Variants in DNER observed in about 807,000 individuals in gnomAD.
DNER encodes delta and Notch-like epidermal growth factor-related receptor.
Under a neutral mutation model 78.2 loss-of-function variants are expected in DNER, and 33 were observed. That is an observed-to-expected ratio of 0.42 (90% confidence interval 0.32 to 0.56). The LOEUF is 0.56. Among genes scored for constraint, DNER ranks in the 20% least tolerant of loss-of-function variants. The pLI is 0.11. For synonymous variants in DNER, 417 were observed against 384.8 expected, an observed-to-expected ratio of 1.08 and a Z score of -0.98; for missense variants, 918 against 975.3, an observed-to-expected ratio of 0.94 and a Z score of 0.78.
chr2:229,619,491 G>A (rs1355277271), intron 1 of DNER, among the ~76,000 whole-genome samples: 1 of 152,156 alleles, frequency 6.6e-6, no homozygotes, highest in Non-Finnish European at 1.5e-5. Context: ...GAGTCAAGAA[G>A]TTGGCCACTG....
chr2:229,458,224 T>C (rs983492944), intron 7 of DNER, among the ~76,000 whole-genome samples: 1 of 150,398 alleles, frequency 6.6e-6, no homozygotes, highest in Non-Finnish European at 1.5e-5. Flanking sequence ...ACTAGTATTC[T>C]CTGTTAAAAT....
At chr2:229,461,635 T>C (rs1438386323) in intron 7 of DNER, among the ~76,000 whole-genome samples, 2 of 152,046 alleles carry the variant, frequency 1.3e-5, no homozygotes, top group Non-Finnish European at 2.9e-5. Context: ...ATGAAATGAC[T>C]AAAGGATTAA....
At chr2:229,673,278 G>A (rs777612028) in intron 1 of DNER, among the ~76,000 whole-genome samples, 38 of 152,186 alleles carry the variant, frequency 2.5e-4, no homozygotes, top group Non-Finnish European at 3.5e-4. Context: ...TTGGAAGAGC[G>A]TGGAAACTGC....
chr2:229,690,235 A>G (rs922754052), intron 1 of DNER, among the ~76,000 whole-genome samples: 3 of 152,194 alleles, frequency 2.0e-5, no homozygotes, highest in Non-Finnish European at 2.9e-5. Flanking sequence ...GCTCACCTAG[A>G]GGTCTAATAT....
At chr2:229,369,397 A>AAAAAGTTTTAACTTTCTAAAAAGTTAAAC (rs1334134258) in intron 11 of DNER, among the ~76,000 whole-genome samples, 4 of 151,634 alleles carry the variant, frequency 2.6e-5, no homozygotes, top group Non-Finnish European at 4.4e-5. Flanking sequence ...AAAAGTTAAA[A>AAAAAGTTTTAACTTTCTAAAAAGTTAAAC]AAAAGTTTTA....
At chr2:229,418,978 G>A (rs1693708109) in intron 8 of DNER, among the ~76,000 whole-genome samples, 1 of 151,996 alleles carries the variant, frequency 6.6e-6, no homozygotes, top group Non-Finnish European at 1.5e-5. Flanking sequence ...AAGTATATCT[G>A]TATTTCCTTT....
intron 4 of DNER, among the ~76,000 whole-genome samples, chr2:229,550,092 A>C (rs1405365629): frequency 1.3e-5 from 2 of 151,704 alleles, no homozygotes; most frequent in African/African-American, 4.8e-5. Context: ...TCCCAGGTTC[A>C]AGCAATCCTT....
intron 1 of DNER, among the ~76,000 whole-genome samples, chr2:229,703,407 G>T (rs1289500918): frequency 6.6e-6 from 1 of 152,146 alleles, no homozygotes; most frequent in Non-Finnish European, 1.5e-5. Flanking sequence ...CTTAAAATGG[G>T]TCAAAGACCT....
intron 5 of DNER, among the ~76,000 whole-genome samples, chr2:229,516,676 T>C (rs895178988): frequency 1.3e-5 from 2 of 151,314 alleles, no homozygotes; most frequent in African/African-American, 4.9e-5. Context: ...TGCCAGCTAT[T>C]GGGGAAGCTG....
intron 6 of DNER, among the ~76,000 whole-genome samples, chr2:229,490,954 T>G (rs1202692482): frequency 6.6e-6 from 1 of 152,118 alleles, no homozygotes; most frequent in African/African-American, 2.4e-5. Context: ...TCCTAACTGG[T>G]TTTCCAATTT....
chr2:229,663,183 T>G (rs1307029652), intron 1 of DNER, among the ~76,000 whole-genome samples: 4 of 152,348 alleles, frequency 2.6e-5, no homozygotes, highest in African/African-American at 7.2e-5. Flanking sequence ...TCAATTTTAA[T>G]TATTAGCTCT....
intron 1 of DNER, among the ~76,000 whole-genome samples, chr2:229,644,199 G>T (rs549998246): frequency 6.6e-6 from 1 of 152,262 alleles, no homozygotes; most frequent in East Asian, 1.9e-4. Context: ...TGAGGTACAT[G>T]AGATGTTTTG....
chr2:229,398,018 G>T (rs1009871870), intron 10 of DNER, among the ~76,000 whole-genome samples: 1 of 151,700 alleles, frequency 6.6e-6, no homozygotes, highest in African/African-American at 2.4e-5. Context: ...GAAAATCATA[G>T]ACATAAGAGA....
At chr2:229,625,114 C>A (rs1698314506) in intron 1 of DNER, among the ~76,000 whole-genome samples, 1 of 152,084 alleles carries the variant, frequency 6.6e-6, no homozygotes, top group Non-Finnish European at 1.5e-5. Context: ...TTAAAATAAA[C>A]CCCTAAGCCC....
chr2:229,527,725 AC>A (rs1182062094), intron 5 of DNER, among the ~76,000 whole-genome samples: 1 of 152,106 alleles, frequency 6.6e-6, no homozygotes, highest in Non-Finnish European at 1.5e-5. Flanking sequence ...CTTCATAATA[AC>A]TTTTTTTTAA....
intron 1 of DNER, among the ~76,000 whole-genome samples, chr2:229,616,672 G>GGTGCT (rs1351998507): frequency 6.6e-6 from 1 of 152,196 alleles, no homozygotes; most frequent in Non-Finnish European, 1.5e-5. Context: ...GGGTGTCACG[G>GGTGCT]GTGAAGTGAG....
chr2:229,625,662 T>G (rs536689667), intron 1 of DNER, among the ~76,000 whole-genome samples: 5 of 152,192 alleles, frequency 3.3e-5, no homozygotes, highest in Admixed American at 3.3e-4. Flanking sequence ...GGAAACATAA[T>G]TATGGAAGAA....
intron 1 of DNER, among the ~76,000 whole-genome samples, chr2:229,684,644 T>C (rs1435445658): frequency 6.6e-6 from 1 of 152,184 alleles, no homozygotes; most frequent in Non-Finnish European, 1.5e-5. Flanking sequence ...ACCTTGAATT[T>C]ACCGCTCATC....
chr2:229,630,078 T>C (rs887140723), intron 1 of DNER, among the ~76,000 whole-genome samples: 1 of 152,214 alleles, frequency 6.6e-6, no homozygotes, highest in Non-Finnish European at 1.5e-5. Flanking sequence ...TCTATTTTAA[T>C]GGATAATTAC....
Sources: gnomAD v4.1 joint callset for allele counts (sites outside exome capture counted in the v4.1 genomes callset) on GRCh38, gnomAD v4.1.1 for gene constraint, MANE v1.5 for transcripts, NCBI Gene and HGNC (gene_info 2026-07-23, HGNC 2026-07-21) for gene names.